CELF6: variants seen among roughly 807,000 people sequenced by gnomAD.
CELF6 encodes the protein Bruno -like 6, RNA binding protein.
A neutral mutation model predicts 53.1 loss-of-function variants in CELF6; 32 were observed. The observed-to-expected ratio is 0.60, with a 90% CI of 0.46 to 0.81. The LOEUF (loss-of-function observed/expected upper bound fraction) is 0.81, where lower values mean the gene tolerates loss of function less well. Ranked by LOEUF, CELF6 falls within the 30% of genes least tolerant of loss-of-function variation. The probability of loss-of-function intolerance (pLI) is 0.00; values close to 1 mark genes in which losing one functional copy is unlikely to be tolerated. For missense variants in CELF6, 539 were observed against 669.5 expected, an observed-to-expected ratio of 0.81 and a Z score of 2.15; for synonymous variants, 291 against 288.8, an observed-to-expected ratio of 1.01 and a Z score of -0.08.
intron 3 of CELF6, among the ~76,000 whole-genome samples, chr15:72,295,139 G>C (rs980500784): frequency 9.9e-5 from 15 of 151,842 alleles, no homozygotes; most frequent in Admixed American, 9.2e-4. Flanking sequence ...TTTGAGACCA[G>C]CTTGGCCAAC....
At chr15:72,291,712 C>G (rs903329079) in intron 3 of CELF6, among the ~76,000 whole-genome samples, 1 of 152,144 alleles carries the variant, frequency 6.6e-6, no homozygotes, top group East Asian at 1.9e-4. Context: ...CCTAGGCTGC[C>G]TTGGGGATCC....
chr15:72,300,375 A>AG (rs2088136901), intron 3 of CELF6, among the ~76,000 whole-genome samples: 1 of 151,958 alleles, frequency 6.6e-6, no homozygotes, highest in Admixed American at 6.6e-5. Context: ...AAAAAAAAAA[A>AG]AAGTAAATAA....
rs560584858 is a variant in CELF6 at position 72,311,290 on chromosome 15, C to T, written c.345+4555G>A. Among the ~76,000 whole-genome samples, 8 of 150,986 alleles carry T rather than the reference C, an allele frequency of 5.3e-5. No homozygotes were observed. The South Asian group carries it at 6.3e-4, about 12-fold the overall frequency. On this transcript the variant is annotated intron_variant, in intron 2 of 12. Transcript: ENST00000287202. ...CGCTGGGATTACAAGTGTGAACCACCGCACCCGGCCTTTTCCTTTACGGTT... is the reference window on the plus strand; with the variant it reads ...CGCTGGGATTACAAGTGTGAACCACTGCACCCGGCCTTTTCCTTTACGGTT...
At chr15:72,310,225 G>C (rs571181118) in intron 2 of CELF6, among the ~76,000 whole-genome samples, 1 of 152,146 alleles carries the variant, frequency 6.6e-6, no homozygotes, top group Non-Finnish European at 1.5e-5. Flanking sequence ...GGGAACACTG[G>C]TAGGTCTGGG....
intron 3 of CELF6, among the ~76,000 whole-genome samples, chr15:72,303,480 A>G (rs779799627): frequency 1.3e-5 from 2 of 152,210 alleles, no homozygotes; most frequent in Non-Finnish European, 2.9e-5. Context: ...TGGAACCACA[A>G]AGTCACCAGA....
chr15:72,318,730 C>T (rs990754918), intron 1 of CELF6, among the ~76,000 whole-genome samples: 2 of 152,254 alleles, frequency 1.3e-5, no homozygotes, highest in African/African-American at 2.4e-5. Flanking sequence ...GAGAATGGGC[C>T]TGGACTGGGA....
intron 1 of CELF6, among the ~76,000 whole-genome samples, chr15:72,318,910 T>G (rs2088393775): frequency 6.6e-6 from 1 of 152,068 alleles, no homozygotes; most frequent in African/African-American, 2.4e-5. Flanking sequence ...GAGGTCAGGG[T>G]TCTGAACTGA....
chr15:72,290,106 C>T (rs917313145), intron 4 of CELF6, 21 bp downstream of exon 4: 9 of 1,613,128 alleles, frequency 5.6e-6, no homozygotes, highest in Non-Finnish European at 7.6e-6. Context: ...ACCAGGAAAT[C>T]CCGGGGTCAG....
chr15:72,288,529 G>A lies in CELF6; in HGVS notation c.1174+9C>T. On this transcript the variant is annotated intron_variant, in intron 10 of 12. Transcript: ENST00000287202. This position sits in a 1 kb window ranked among gnomAD's most constrained non-coding sequence, Gnocchi z 4.6. ...ACCAGGTTCTGCTGTCCAGCCCCCA[G>A]TCCCTCACCTTCTCTCTGCTGCTGG... is the stretch of plus-strand genomic sequence containing the variant. The A allele has an allele frequency of 6.2e-7, 1 of 1,609,828 alleles. No homozygotes were observed. The highest frequency in any genetic ancestry group is 8.5e-7 in the Non-Finnish European group (1 of 1,177,256).
intron 2 of CELF6, among the ~76,000 whole-genome samples, chr15:72,310,066 C>T (rs896711882): frequency 6.6e-6 from 1 of 152,184 alleles, no homozygotes; most frequent in Admixed American, 6.5e-5. Context: ...AACTCTCTGC[C>T]CTGATTTGTC....
rs528416596 is a variant in CELF6, at chr15:72,294,578, T to G, written c.395-4323A>C. On this transcript the variant is annotated intron_variant, in intron 3 of 12. Coordinates refer to ENST00000287202, the MANE Select transcript of CELF6 (RefSeq NM_052840.5). ...TTAAATTCCACACACAAAAAAACTGTTAGAACAAATAACCCAATTCAGCAA... is the reference window on the plus strand; with the variant it reads ...TTAAATTCCACACACAAAAAAACTGGTAGAACAAATAACCCAATTCAGCAA... 1.6e-4 allele frequency among the ~76,000 whole-genome samples: 25 copies of G among 152,242 alleles called. No individual in the cohort carries two copies. The South Asian group carries it at 5.2e-3, about 32-fold the overall frequency.
At chr15:72,297,377 G>C (rs1258553410) in intron 3 of CELF6, among the ~76,000 whole-genome samples, 1 of 152,070 alleles carries the variant, frequency 6.6e-6, no homozygotes, top group Non-Finnish European at 1.5e-5. Context: ...GGTTCCACAC[G>C]TAAGTGAGAT....
intron 2 of CELF6, among the ~76,000 whole-genome samples, chr15:72,308,919 G>A (rs576916709): frequency 1.5e-4 from 22 of 151,476 alleles, no homozygotes; most frequent in South Asian, 2.1e-4. Context: ...GGCCAGACTG[G>A]TCTCAAACTC....
chr15:72,288,908 G>A lies in CELF6; in HGVS notation c.1053C>T (p.Asp351=), dbSNP rs772017152. ...PYPAQSPGVA[D]PLQQAYAGMH... is the part of the protein sequence containing the mutation. ...TCCCAGCGTAGGCCTGCTGCAGGGG[G>A]TCAGCCACGCCGGGGCTCTGGGCTG... is the stretch of plus-strand genomic sequence containing the variant. Residue 351 remains aspartate (D), a synonymous_variant, in exon 9 of 13, where the codon GAC becomes GAT. Coordinates refer to ENST00000287202, the MANE Select transcript of CELF6 (RefSeq NM_052840.5). The surrounding 1 kb of genome is among the most constrained non-coding windows in gnomAD (Gnocchi z 4.6). 18 of 1,550,804 alleles carry A rather than the reference G, an allele frequency of 1.2e-5. No homozygotes were observed. The highest frequency in any genetic ancestry group is 2.4e-5 in the East Asian group (1 of 40,954).
chr15:72,294,214 A>C (rs181343893), intron 3 of CELF6, among the ~76,000 whole-genome samples: 3 of 152,350 alleles, frequency 2.0e-5, no homozygotes, highest in Admixed American at 2.0e-4. Context: ...GTTGCTCCAA[A>C]GAAATTCCTA....
chr15:72,305,815 G>A (rs1238017089), intron 2 of CELF6, among the ~76,000 whole-genome samples: 1 of 151,520 alleles, frequency 6.6e-6, no homozygotes, highest in South Asian at 2.1e-4. Context: ...AAAGTCCCAC[G>A]GGCGCCTTCA....
intron 3 of CELF6, among the ~76,000 whole-genome samples, chr15:72,295,934 A>G (rs2088072209): frequency 6.6e-6 from 1 of 152,208 alleles, no homozygotes; most frequent in South Asian, 2.1e-4. Flanking sequence ...GGGACTCCAA[A>G]TACCCAGCAA....
chr15:72,286,598 C>G (rs916500336), intron 12 of CELF6, among the ~76,000 whole-genome samples: 1 of 152,218 alleles, frequency 6.6e-6, no homozygotes, highest in African/African-American at 2.4e-5. Context: ...CAAAGTGAGG[C>G]AGGGCCATGT....
chr15:72,296,550 T>C (rs1329633218), intron 3 of CELF6, among the ~76,000 whole-genome samples: 2 of 152,130 alleles, frequency 1.3e-5, no homozygotes, highest in African/African-American at 4.8e-5. Flanking sequence ...ATCCAGAATA[T>C]ATAAAGAACT....
Sources: allele counts gnomAD v4.1 joint callset (sites outside exome capture counted in the v4.1 genomes callset), GRCh38; gene constraint gnomAD v4.1.1; non-coding constraint Gnocchi (gnomAD v3.1); transcripts MANE v1.5; gene names NCBI Gene and HGNC (gene_info 2026-07-23, HGNC 2026-07-21).